The following CSMD1 variants were observed in gnomAD, a reference collection of about 807,000 sequenced individuals.
CSMD1 encodes the protein CUB and Sushi multiple domains 1.
A neutral mutation model predicts 417.5 loss-of-function variants in CSMD1; 213 were observed. That is an observed-to-expected ratio of 0.51 (90% CI 0.46 to 0.57). The LOEUF is 0.57. Among genes scored for constraint, CSMD1 ranks in the 20% least tolerant of loss-of-function variants. The pLI is 0.00. For synonymous variants in CSMD1, 2,862 were observed against 1,736.8 expected (o/e 1.65, Z -16.11); for missense variants, 6,923 against 4,529.7 (o/e 1.53, Z -15.17).
chr8:3,050,395 A>C (rs1585228883), intron 50 of CSMD1, among the ~76,000 whole-genome samples: 1 of 152,234 alleles, frequency 6.6e-6, no homozygotes, highest in Non-Finnish European at 1.5e-5. Flanking sequence ...TTGGCAGGAA[A>C]TACAGACTTT....
chr8:3,981,519 A>G (rs931450489), intron 5 of CSMD1, among the ~76,000 whole-genome samples: 2 of 123,950 alleles, frequency 1.6e-5, no homozygotes, highest in African/African-American at 6.0e-5. Context: ...AAAAAAAAAA[A>G]AAAAAAGAAC....
At chr8:3,218,798 G>A (rs1428047585) in intron 29 of CSMD1, among the ~76,000 whole-genome samples, 1 of 151,996 alleles carries the variant, frequency 6.6e-6, no homozygotes, top group Non-Finnish European at 1.5e-5. Flanking sequence ...TTTGAACCCG[G>A]GAGGCGGAGG....
intron 3 of CSMD1, among the ~76,000 whole-genome samples, chr8:4,209,970 G>C (rs1563277885): frequency 6.6e-6 from 1 of 152,186 alleles, no homozygotes; most frequent in African/African-American, 2.4e-5. Context: ...TGGCACACTG[G>C]AGGAGGTGTC....
At chr8:4,360,920 C>T (rs950203820) in intron 3 of CSMD1, among the ~76,000 whole-genome samples, 1 of 152,150 alleles carries the variant, frequency 6.6e-6, no homozygotes, top group African/African-American at 2.4e-5. Context: ...CTTCTGATAG[C>T]AGGTGAATTT....
chr8:3,262,657 A>T (rs1801165990), intron 26 of CSMD1, among the ~76,000 whole-genome samples: 1 of 152,172 alleles, frequency 6.6e-6, no homozygotes, highest in Admixed American at 6.5e-5. Flanking sequence ...TAGACAGAAT[A>T]AGTGACATTA....
At chr8:3,270,906 T>C (rs1386577593) in intron 26 of CSMD1, among the ~76,000 whole-genome samples, 2 of 75,030 alleles carry the variant, frequency 2.7e-5, no homozygotes, top group African/African-American at 4.7e-5. Context: ...GTCACATCTT[T>C]TTTTCTTTTT....
intron 1 of CSMD1, among the ~76,000 whole-genome samples, chr8:4,823,463 T>G (rs1277938619): frequency 6.6e-6 from 1 of 152,020 alleles, no homozygotes; most frequent in Non-Finnish European, 1.5e-5. Context: ...AATGGGGTAC[T>G]TAGGGCAACC....
chr8:4,848,645 T>G (rs1046832506), intron 1 of CSMD1, among the ~76,000 whole-genome samples: 18 of 151,930 alleles, frequency 1.2e-4, no homozygotes, highest in African/African-American at 4.4e-4. Context: ...GTTCAAGCAA[T>G]TATCCTGGCT....
chr8:4,061,454 T>C (rs1320615087), intron 3 of CSMD1, among the ~76,000 whole-genome samples: 9 of 152,066 alleles, frequency 5.9e-5, no homozygotes, highest in African/African-American at 1.7e-4. Flanking sequence ...TCCCTGAAAA[T>C]GGATAAGAAA....
chr8:4,728,030 A>AT (rs1188097793), intron 1 of CSMD1, among the ~76,000 whole-genome samples: 1 of 145,436 alleles, frequency 6.9e-6, no homozygotes. Context: ...TATTTTTTCT[A>AT]TTTTTTTGGT....
intron 1 of CSMD1, among the ~76,000 whole-genome samples, chr8:4,963,842 C>G (rs1809676437): frequency 6.6e-6 from 1 of 152,220 alleles, no homozygotes; most frequent in Non-Finnish European, 1.5e-5. Flanking sequence ...AGTAGTCACC[C>G]AATCATACTA....
chr8:4,334,016 G>C (rs1353558279), intron 3 of CSMD1, among the ~76,000 whole-genome samples: 1 of 151,972 alleles, frequency 6.6e-6, no homozygotes, highest in Non-Finnish European at 1.5e-5. Flanking sequence ...TCAGACTCCT[G>C]AGTACCTGGG....
chr8:4,237,236 C>T (rs1259717277), intron 3 of CSMD1, among the ~76,000 whole-genome samples: 1 of 152,158 alleles, frequency 6.6e-6, no homozygotes, highest in Admixed American at 6.5e-5. Context: ...CCGAAGTAGA[C>T]GTCCTGCCCT....
At chr8:3,038,610 G>C (rs1810859291) in intron 50 of CSMD1, among the ~76,000 whole-genome samples, 1 of 152,040 alleles carries the variant, frequency 6.6e-6, no homozygotes, top group African/African-American at 2.4e-5. Context: ...TCGAGGTCAT[G>C]GTTTTACCAT....
At chr8:4,986,016 C>G (rs1157126619) in intron 1 of CSMD1, among the ~76,000 whole-genome samples, 1 of 152,174 alleles carries the variant, frequency 6.6e-6, no homozygotes, top group African/African-American at 2.4e-5. Context: ...GCCGATCATA[C>G]TCTGCAATGC....
chr8:3,861,116 C>G (rs938807311), intron 5 of CSMD1, among the ~76,000 whole-genome samples: 2 of 152,142 alleles, frequency 1.3e-5, no homozygotes, highest in Non-Finnish European at 2.9e-5. Context: ...CAGGACGTGG[C>G]TTTCTATCAT....
intron 1 of CSMD1, among the ~76,000 whole-genome samples, chr8:4,923,492 TTCTC>T (rs1451054139): frequency 1.3e-5 from 2 of 151,544 alleles, no homozygotes; most frequent in Admixed American, 6.6e-5. Context: ...CTTATGTACT[TTCTC>T]TCTAAATATA....
chr8:4,749,962 AG>A (rs1315862003), intron 1 of CSMD1, among the ~76,000 whole-genome samples: 1 of 151,970 alleles, frequency 6.6e-6, no homozygotes, highest in Non-Finnish European at 1.5e-5. Flanking sequence ...GGTTCCCTCA[AG>A]TGCCTGTTTA....
At chr8:3,543,663 C>T (rs1421163473) in intron 10 of CSMD1, among the ~76,000 whole-genome samples, 1 of 151,292 alleles carries the variant, frequency 6.6e-6, no homozygotes, top group Non-Finnish European at 1.5e-5. Context: ...TTGCCATTTT[C>T]TAAGAAGAAA....
Sources: gnomAD v4.1 joint callset for allele counts (sites outside exome capture counted in the v4.1 genomes callset) on GRCh38, gnomAD v4.1.1 for gene constraint, MANE v1.5 for transcripts, NCBI Gene and HGNC (gene_info 2026-07-23, HGNC 2026-07-21) for gene names.